The following TENM3 variants were observed in gnomAD, a reference collection of about 807,000 sequenced individuals.
TENM3 encodes the protein teneurin-3.
A neutral mutation model predicts 255.1 loss-of-function variants in TENM3; 63 were observed. That is an observed-to-expected ratio of 0.25 (90% CI 0.20 to 0.30). TENM3 has a LOEUF of 0.30. Ranked by LOEUF, TENM3 falls within the 10% of genes least tolerant of loss-of-function variation. TENM3 has a pLI of 1.00. For synonymous variants in TENM3, 1,306 were observed against 1,322.3 expected (o/e 0.99, Z 0.27); for missense variants, 2,929 against 3,461.1 (o/e 0.85, Z 3.86).
At chr4:182,755,640 C>T (rs1402493757) in intron 22 of TENM3, among the ~76,000 whole-genome samples, 1 of 152,126 alleles carries the variant, frequency 6.6e-6, no homozygotes, top group African/African-American at 2.4e-5. Context: ...AGATCGAGAC[C>T]ATCCTGGATA....
chr4:182,494,428 GTTA>G (rs1735571223), intron 3 of TENM3, among the ~76,000 whole-genome samples: 1 of 152,090 alleles, frequency 6.6e-6, no homozygotes, highest in South Asian at 2.1e-4. Context: ...TTTATTACTG[GTTA>G]TTGTTGTTCA....
intron 25 of TENM3, among the ~76,000 whole-genome samples, chr4:182,791,364 G>A (rs1260856393): frequency 6.6e-6 from 1 of 152,198 alleles, no homozygotes; most frequent in African/African-American, 2.4e-5. Context: ...AGAGGGAAGA[G>A]TCACCCACAG....
the TENM3 span, among the ~76,000 whole-genome samples, chr4:181,839,471 T>C: frequency 6.8e-6 from 1 of 146,786 alleles, no homozygotes; most frequent in African/African-American, 2.5e-5. Flanking sequence ...TATATATATA[T>C]ACAAAATACA....
At chr4:182,192,058 A>G (rs928231706) in intron 1 of TENM3, among the ~76,000 whole-genome samples, 4 of 152,212 alleles carry the variant, frequency 2.6e-5, no homozygotes, top group African/African-American at 7.2e-5. Flanking sequence ...ACTTTTAAAT[A>G]GAGGGGAAGA....
chr4:182,668,865 G>T (rs1259420889), intron 6 of TENM3, among the ~76,000 whole-genome samples: 2 of 151,956 alleles, frequency 1.3e-5, no homozygotes, highest in Non-Finnish European at 2.9e-5. Context: ...TAATGTTTTG[G>T]AAAAAAATTC....
At chr4:181,589,653 T>C in the TENM3 span, among the ~76,000 whole-genome samples, 2 of 152,284 alleles carry the variant, frequency 1.3e-5, no homozygotes, top group South Asian at 4.1e-4. Context: ...CATACAAATG[T>C]ATGTAATGCA....
At chr4:182,228,611 A>T (rs1297764199) in intron 1 of TENM3, among the ~76,000 whole-genome samples, 1 of 152,066 alleles carries the variant, frequency 6.6e-6, no homozygotes, top group Non-Finnish European at 1.5e-5. Context: ...TCTTACATAG[A>T]TAAATTATCT....
the TENM3 span, among the ~76,000 whole-genome samples, chr4:182,103,190 A>C: frequency 1.3e-5 from 2 of 152,250 alleles, no homozygotes; most frequent in South Asian, 4.1e-4. Flanking sequence ...AAGTAGGCTC[A>C]CCAGCTAAAA....
intron 1 of TENM3, among the ~76,000 whole-genome samples, chr4:182,225,716 A>G (rs1242265246): frequency 1.3e-5 from 2 of 152,212 alleles, no homozygotes; most frequent in African/African-American, 4.8e-5. Context: ...CTCCAAAATC[A>G]AGGAAGAGTT....
At chr4:182,186,801 A>G (rs1441223212) in intron 1 of TENM3, among the ~76,000 whole-genome samples, 2 of 82,554 alleles carry the variant, frequency 2.4e-5, no homozygotes, top group Admixed American at 1.5e-4. Context: ...ATATATATAT[A>G]TATATATATA....
In TENM3 at chr4:182,213,832, C is replaced by G. The variant is rs542761863; in HGVS notation, c.-76+69078C>G. 4.5e-4 allele frequency among the ~76,000 whole-genome samples: 69 copies of G among 152,158 alleles called. 2 individuals carry two copies. In the South Asian group the frequency reaches 0.014, roughly 31 times the overall value. On this transcript the variant is annotated intron_variant, in intron 1 of 2. Coordinates refer to the TENM3 transcript ENST00000512480. ...TTTTTATTTTTTTGAGACAGAGTCT[C>G]CCTCTGTCGCCCAGGCTGGAGTGCA...
chr4:182,680,666 G>A lies in TENM3; in HGVS notation c.1763G>A (p.Gly588Glu), dbSNP rs147269509. 3 of 1,607,322 alleles carry A rather than the reference G, an allele frequency of 1.9e-6. No homozygotes were observed. The South Asian group carries it at 3.3e-5, about 18-fold the overall frequency. Residue 588 changes from glycine to glutamate, a missense_variant, in exon 10 of 28, where the codon GGG (glycine) becomes GAG (glutamate). By Grantham distance (98) the Gly-to-Glu change is moderately conservative. This residue lies in a region of TENM3 where 1,608 missense variants were observed against 1,884.4 expected (regional missense o/e 0.85). Coordinates refer to ENST00000511685, the MANE Select transcript of TENM3 (RefSeq NM_001080477.4). ...ACCCAGTGTATTGACCCACAGTGTG[G>A]GGGTCGTGGGATTTGTATCATGGGC... ...PTTQCIDPQCGGRGICIMGSC... is the reference protein window; with the variant it reads ...PTTQCIDPQCEGRGICIMGSC...
intron 3 of TENM3, among the ~76,000 whole-genome samples, chr4:182,449,334 C>T (rs568253373): frequency 6.8e-6 from 1 of 147,586 alleles, no homozygotes; most frequent in Non-Finnish European, 1.5e-5. Context: ...CTTTTTAACC[C>T]CTGAGGGACC....
In TENM3 at chr4:182,380,728, C is replaced by A. The variant is rs571362837; in HGVS notation, c.511+33799C>A. Among the ~76,000 whole-genome samples the A allele has an allele frequency of 2.0e-5, 3 of 152,260 alleles. No homozygotes were observed. The South Asian group carries it at 6.2e-4, about 32-fold the overall frequency. ...CAACTGTGAGAATGTATGCTGCTCA[C>A]AAAACTTACCAGTTTCCCGGAATTT... On this transcript the variant is annotated intron_variant, in intron 3 of 27. Coordinates refer to ENST00000511685, the MANE Select transcript of TENM3 (RefSeq NM_001080477.4).
At chr4:181,515,322 C>G in the TENM3 span, among the ~76,000 whole-genome samples, 1 of 152,158 alleles carries the variant, frequency 6.6e-6, no homozygotes, top group African/African-American at 2.4e-5. Flanking sequence ...TCATTTCTTG[C>G]ATTAGAGTTT....
chr4:182,334,166 G>GA (rs35421789), intron 2 of TENM3, among the ~76,000 whole-genome samples: 186 of 151,254 alleles, frequency 1.2e-3, no homozygotes, highest in Non-Finnish European at 2.0e-3. Context: ...TTGGAAGTCA[G>GA]AAAAAAAAAT....
intron 1 of TENM3, among the ~76,000 whole-genome samples, chr4:182,228,671 C>T (rs191680539): frequency 1.3e-5 from 2 of 151,844 alleles, no homozygotes; most frequent in Non-Finnish European, 2.9e-5. Context: ...CAAGAAAGTT[C>T]GTTAAGAATG....
chr4:181,915,372 A>G, the TENM3 span, among the ~76,000 whole-genome samples: 1 of 152,198 alleles, frequency 6.6e-6, no homozygotes, highest in Non-Finnish European at 1.5e-5. Context: ...CATGAAGCAC[A>G]TGCTATTATG....
chr4:181,692,165 C>A, the TENM3 span, among the ~76,000 whole-genome samples: 2 of 152,278 alleles, frequency 1.3e-5, 1 homozygote, highest in Non-Finnish European at 2.9e-5. Context: ...CCATTATGTG[C>A]AAATTGTATA....
Sources: gnomAD v4.1 joint callset for allele counts (sites outside exome capture counted in the v4.1 genomes callset) on GRCh38, gnomAD v4.1.1 for gene constraint, gnomAD v4.1.1 regional missense constraint, MANE v1.5 for transcripts, NCBI Gene and HGNC (gene_info 2026-07-23, HGNC 2026-07-21) for gene names.